The following GARNL3 variants were observed in gnomAD, a reference collection of about 807,000 sequenced individuals.
GARNL3 encodes GTPase-activating Rap/Ran-GAP domain-like protein 3.
In GARNL3, 63 loss-of-function variants were observed where a neutral mutation model predicts 125.0. That is an observed-to-expected ratio of 0.50 (90% CI 0.41 to 0.62). The LOEUF is 0.62. Among genes scored for constraint, GARNL3 ranks in the 20% least tolerant of loss-of-function variants. The pLI is 0.00. For missense variants in GARNL3, 994 were observed against 1,244.0 expected (o/e 0.80, Z 3.02); for synonymous variants, 439 against 457.5 (o/e 0.96, Z 0.52).
chr9:127,391,495 C>T (rs112482296), intron 27 of GARNL3, among the ~76,000 whole-genome samples: 1,782 of 105,320 alleles, frequency 0.017, 50 homozygotes, highest in African/African-American at 0.053. Flanking sequence ...TCAATCCCAG[C>T]CTGGGCAACA....
Position 127,246,931 on chromosome 9 carries a change from C to CTTTTTT in GARNL3, c.143+3698_143+3703dup, listed in dbSNP as rs35410163. ...CTTGAGAAAGGAGTTGACCTTCCTT[C>CTTTTTT]TTTTTTTTTTTTTTTTTTTTTGCGT... On this transcript the variant is annotated intron_variant, in intron 2 of 10. Coordinates refer to the GARNL3 transcript ENST00000439286. 9.1e-4 allele frequency among the ~76,000 whole-genome samples: 90 copies of CTTTTTT among 99,128 alleles called. 1 individual carries two copies. The highest frequency in any genetic ancestry group is 1.2e-3 in the Non-Finnish European group (60 of 52,046). The allele number at this position is 99,128 out of a possible 152,430, so 65.0% of individuals were successfully genotyped here. A position where few individuals can be genotyped will look rare whatever the true frequency, so the allele number is the denominator to read the frequency against.
intron 11 of GARNL3, among the ~76,000 whole-genome samples, chr9:127,337,359 T>C (rs991980478): frequency 3.3e-5 from 5 of 152,130 alleles, no homozygotes; most frequent in Non-Finnish European, 5.9e-5. Context: ...CCCTGAGTTA[T>C]ACGTTTTAGA....
chr9:127,249,767 C>T (rs886306677), intron 2 of GARNL3, among the ~76,000 whole-genome samples: 5 of 151,222 alleles, frequency 3.3e-5, no homozygotes, highest in Admixed American at 6.6e-5. Flanking sequence ...CAGCACTTTG[C>T]GAGGCCGAGG....
chr9:127,348,025 G>A (rs1830232152), intron 16 of GARNL3, among the ~76,000 whole-genome samples: 1 of 152,136 alleles, frequency 6.6e-6, no homozygotes, highest in Non-Finnish European at 1.5e-5. Context: ...TGTTTGCTTG[G>A]GTACTTAAGA....
chr9:127,224,917 T>TG (rs1325286084), intron 1 of GARNL3, among the ~76,000 whole-genome samples: 1 of 4,450 alleles, frequency 2.2e-4, no homozygotes, highest in African/African-American at 7.1e-4. Context: ...GGGCGGGGCG[T>TG]GGGCGGGGCG....
chr9:127,272,347 G>A (rs552698350), intron 1 of GARNL3, among the ~76,000 whole-genome samples: 1 of 150,044 alleles, frequency 6.7e-6, no homozygotes, highest in Admixed American at 6.6e-5. Flanking sequence ...CAAACTGAGA[G>A]ATTAGTGAGG....
chr9:127,259,106 G>A (rs1286974280), upstream of GARNL3, among the ~76,000 whole-genome samples: 1 of 152,208 alleles, frequency 6.6e-6, no homozygotes, highest in Non-Finnish European at 1.5e-5. Flanking sequence ...CTGGATCTCT[G>A]CGTTTGGCTT....
chr9:127,249,116 A>C (rs1478542149), intron 2 of GARNL3, among the ~76,000 whole-genome samples: 3 of 151,760 alleles, frequency 2.0e-5, no homozygotes, highest in South Asian at 2.1e-4. Context: ...AAAAGTGCTT[A>C]CTATTTGTTG....
chr9:127,388,342 G>A (rs367940652), intron 25 of GARNL3: 3 of 152,832 alleles, frequency 2.0e-5, no homozygotes, highest in Admixed American at 1.3e-4. Context: ...AAGTTTCAGT[G>A]GGGAGGAGGG....
intron 2 of GARNL3, among the ~76,000 whole-genome samples, chr9:127,255,216 A>G (rs2063477233): frequency 1.3e-5 from 2 of 152,224 alleles, no homozygotes; most frequent in Non-Finnish European, 2.9e-5. Context: ...TCATTACAGC[A>G]TTGTTTAAAC....
intron 24 of GARNL3, among the ~76,000 whole-genome samples, chr9:127,386,916 CAGA>C (rs1832570013): frequency 6.6e-6 from 1 of 152,252 alleles, no homozygotes; most frequent in African/African-American, 2.4e-5. Flanking sequence ...TTTGTGATTG[CAGA>C]AGATGTGTGG....
At chr9:127,250,782 C>G (rs1056555391) in intron 2 of GARNL3, among the ~76,000 whole-genome samples, 1 of 152,096 alleles carries the variant, frequency 6.6e-6, no homozygotes, top group Non-Finnish European at 1.5e-5. Context: ...TCATAGACTG[C>G]AAGCACAGAA....
chr9:127,277,625 C>T (rs79584070), intron 1 of GARNL3, among the ~76,000 whole-genome samples: 79 of 151,990 alleles, frequency 5.2e-4, no homozygotes, highest in African/African-American at 1.7e-3. Flanking sequence ...TTAAGGCTTT[C>T]TGCAGTCTTG....
chr9:127,273,895 G>T (rs2063886702), intron 1 of GARNL3, among the ~76,000 whole-genome samples: 1 of 152,104 alleles, frequency 6.6e-6, no homozygotes, highest in South Asian at 2.1e-4. Context: ...AACTCCATTT[G>T]TGGCTTATCT....
In GARNL3 at chr9:127,318,018, G is replaced by A. The variant is rs751067192; in HGVS notation, c.439-45G>A. ...GACCCGAGAGGCTCTTTTGGAGAAG[G>A]AAGTTGTAGAACTTGTCACTGATTT... On this transcript the variant is annotated intron_variant, in intron 4 of 27. Coordinates refer to ENST00000373387, the MANE Select transcript of GARNL3 (RefSeq NM_032293.5). 7 of 1,149,628 alleles carry A rather than the reference G, an allele frequency of 6.1e-6. No homozygotes were observed. In the Middle Eastern group the frequency reaches 5.7e-4, roughly 94 times the overall value. 71.2% of individuals were successfully genotyped at this position (1,149,628 alleles called of 1,614,324 possible).
At chr9:127,391,571 G>A in intron 27 of GARNL3, among the ~76,000 whole-genome samples, 1 of 126,960 alleles carries the variant, frequency 7.9e-6, no homozygotes, top group Non-Finnish European at 1.7e-5. Flanking sequence ...CTGGTGGCAT[G>A]AGCCTGTAGT....
intron 21 of GARNL3, among the ~76,000 whole-genome samples, chr9:127,358,868 T>C (rs1830824287): frequency 6.6e-6 from 1 of 152,200 alleles, no homozygotes. Context: ...TGGGAATCCC[T>C]GGTATATTTC....
At chr9:127,339,245 C>T (rs988054659) in intron 12 of GARNL3, among the ~76,000 whole-genome samples, 1 of 151,570 alleles carries the variant, frequency 6.6e-6, no homozygotes, top group East Asian at 1.9e-4. Context: ...TGCAGTGAGC[C>T]CAGATCGCAC....
Position 127,338,099 on chromosome 9 carries a change from C to G in GARNL3, c.983-17C>G, listed in dbSNP as rs1829652293. On this transcript the variant is annotated splice_polypyrimidine_tract_variant and intron_variant, in intron 11 of 27. Coordinates refer to ENST00000373387, the MANE Select transcript of GARNL3 (RefSeq NM_032293.5). ...GAGCATCAGTGTTGTGATTAGTTCC[C>G]TTAACCATCACCACAGATATTTTTG... 6.3e-7 allele frequency: 1 copy of G among 1,596,166 alleles called. No homozygotes were observed. Among genetic ancestry groups the G allele is most frequent in the South Asian group, 1.1e-5 (1 of 90,698 alleles).
Sources: gnomAD v4.1 joint callset for allele counts (sites outside exome capture counted in the v4.1 genomes callset) on GRCh38, gnomAD v4.1.1 for gene constraint, MANE v1.5 for transcripts, NCBI Gene and HGNC (gene_info 2026-07-23, HGNC 2026-07-21) for gene names.